Variants in TMEM184B observed in about 807,000 individuals in gnomAD.
The protein encoded by TMEM184B is transmembrane protein 184B, also known as putative MAPK-activating protein FM08.
A neutral mutation model predicts 41.8 loss-of-function variants in TMEM184B; 17 were observed. The observed-to-expected ratio is 0.41, with a 90% CI of 0.28 to 0.61. TMEM184B has a LOEUF of 0.61. TMEM184B is among the 20% of genes least tolerant of loss of function. The pLI is 0.34. For synonymous variants in TMEM184B, 240 were observed against 229.5 expected (o/e 1.05, Z -0.41); for missense variants, 393 against 557.8 (o/e 0.70, Z 2.98).
At position 38,225,512 on chromosome 22, in the gene TMEM184B, G is replaced by A. The variant is rs1602367638; in HGVS notation, c.699C>T (p.Tyr233=). The change falls in exon 7 of 9, where the codon TAC becomes TAT. Residue 233 remains tyrosine (Y), a synonymous_variant. Coordinates refer to ENST00000361906, the MANE Select transcript of TMEM184B (RefSeq NM_012264.5). This position sits in a 1 kb window ranked among gnomAD's most constrained non-coding sequence, Gnocchi z 4.4. The part of the protein sequence containing the change: ...SLALYALFLF[Y]FATRELLSPY... ...GGCTGAGCAGCTCCCGGGTGGCGAA[G>A]TAGAAGAGGAAGAGGGCGTAGAGGG... 9 of 1,602,082 alleles carry A rather than the reference G, an allele frequency of 5.6e-6. No individual in the cohort carries two copies. The East Asian group carries it at 2.1e-4, about 37-fold the overall frequency.
chr22:38,242,923 G>T (rs1033699156), intron 3 of TMEM184B, among the ~76,000 whole-genome samples: 3 of 151,950 alleles, frequency 2.0e-5, no homozygotes, highest in Non-Finnish European at 4.4e-5. Context: ...TTAGCTGGGC[G>T]TGGTAGCACA....
At chr22:38,254,204 C>CAAAAAAAA (rs61216492) in intron 1 of TMEM184B, among the ~76,000 whole-genome samples, 1 of 86,566 alleles carries the variant, frequency 1.2e-5, no homozygotes, top group Admixed American at 1.3e-4. Flanking sequence ...CTCTTGTCTC[C>CAAAAAAAA]AAAAAAAAAA....
chr22:38,250,023 G>C, intron 1 of TMEM184B, among the ~76,000 whole-genome samples: 1 of 152,222 alleles, frequency 6.6e-6, no homozygotes, highest in Non-Finnish European at 1.5e-5. Flanking sequence ...CTCCAAAAAT[G>C]AGCTCAGAGA....
At chr22:38,259,813 T>C (rs1047763010) in intron 1 of TMEM184B, among the ~76,000 whole-genome samples, 2 of 152,210 alleles carry the variant, frequency 1.3e-5, no homozygotes, top group African/African-American at 4.8e-5. Context: ...TCTCACTCTG[T>C]GGCCCAGGCT....
intron 3 of TMEM184B, among the ~76,000 whole-genome samples, chr22:38,241,027 A>G (rs1405732605): frequency 1.3e-5 from 2 of 152,234 alleles, no homozygotes; most frequent in Non-Finnish European, 2.9e-5. Flanking sequence ...AGAGCAAACC[A>G]TGAACAAGGA....
chr22:38,251,437 T>C (rs532369634), intron 1 of TMEM184B, among the ~76,000 whole-genome samples: 2 of 152,366 alleles, frequency 1.3e-5, no homozygotes, highest in East Asian at 3.9e-4. Context: ...AGCCGTATTC[T>C]GGCTCATAGA....
Position 38,219,645 on chromosome 22 carries a change from T to TC in TMEM184B, c.*1823dup, listed in dbSNP as rs1304422437. 3 of 984,626 alleles carry TC rather than the reference T, an allele frequency of 3.0e-6. No individual in the cohort carries two copies. Among genetic ancestry groups the TC allele is most frequent in the Admixed American group, 6.2e-5 (1 of 16,222 alleles). The allele number at this position is 984,626 out of a possible 1,614,324, so 61.0% of individuals were successfully genotyped here. On this transcript the variant is annotated 3_prime_UTR_variant, in exon 9 of 9. Coordinates refer to ENST00000361906, the MANE Select transcript of TMEM184B (RefSeq NM_012264.5). ...GACCGCTGATTCCCTGCCACTGAGC[T>TC]CCCCCCACCCTCCACGCAAACAGCA...
At position 38,272,903 on chromosome 22, in the gene TMEM184B, G is replaced by T; in HGVS notation, c.-78C>A. ...GGATACCTCAGGAGCCCATGGCGGT[G>T]GCGGCGTCTGCGGACGATGCGCGGC... On this transcript the variant is annotated 5_prime_UTR_variant, in exon 1 of 9. Transcript: ENST00000361906. The T allele has an allele frequency of 1.3e-6, 1 of 753,924 alleles. No homozygotes were observed. The highest frequency in any genetic ancestry group is 1.6e-6 in the Non-Finnish European group (1 of 618,608). 46.7% of individuals were successfully genotyped at this position (753,924 alleles called of 1,614,324 possible).
chr22:38,228,945 G>A (rs1177097749), intron 5 of TMEM184B, among the ~76,000 whole-genome samples: 2 of 152,332 alleles, frequency 1.3e-5, no homozygotes, highest in Non-Finnish European at 1.5e-5. Flanking sequence ...TGCACCAACT[G>A]GTAAACAATG....
intron 3 of TMEM184B, among the ~76,000 whole-genome samples, chr22:38,238,172 C>T (rs899460806): frequency 2.0e-5 from 3 of 151,808 alleles, no homozygotes; most frequent in African/African-American, 7.3e-5. Flanking sequence ...CTGTTTCTGA[C>T]CTCTCTTCTA....
At chr22:38,216,766 G>A (rs1482155568), downstream of TMEM184B, among the ~76,000 whole-genome samples, 1 of 152,006 alleles carries the variant, frequency 6.6e-6, no homozygotes, top group African/African-American at 2.4e-5. Context: ...GATTCTGGCG[G>A]AGCATGGTGG....
intron 1 of TMEM184B, among the ~76,000 whole-genome samples, chr22:38,267,455 G>C (rs919738114): frequency 6.9e-6 from 1 of 145,356 alleles, no homozygotes; most frequent in Non-Finnish European, 1.5e-5. Flanking sequence ...TTTTTTTTGA[G>C]ATGGAGTTTC....
chr22:38,247,439 G>C (rs2092059327), intron 2 of TMEM184B, among the ~76,000 whole-genome samples: 1 of 152,196 alleles, frequency 6.6e-6, no homozygotes, highest in Non-Finnish European at 1.5e-5. Flanking sequence ...ACTGGGCCCT[G>C]GGACGCAGGC....
chr22:38,270,924 A>G (rs2092512689), intron 1 of TMEM184B, among the ~76,000 whole-genome samples: 2 of 152,300 alleles, frequency 1.3e-5, no homozygotes, highest in South Asian at 4.1e-4. Context: ...CAGCCTCCGG[A>G]CAGAAGCCCC....
intron 1 of TMEM184B, chr22:38,272,487 TCC>T: frequency 2.0e-6 from 2 of 984,202 alleles, no homozygotes; most frequent in African/African-American, 1.8e-5. Flanking sequence ...CACGGACGCC[TCC>T]CCCACTCACT....
intron 3 of TMEM184B, among the ~76,000 whole-genome samples, chr22:38,238,751 C>T (rs1160374231): frequency 6.6e-6 from 1 of 152,218 alleles, no homozygotes; most frequent in African/African-American, 2.4e-5. Flanking sequence ...AGAAACTTGT[C>T]CTGTCCTCTC....
intron 5 of TMEM184B, among the ~76,000 whole-genome samples, chr22:38,227,742 T>C (rs1033256957): frequency 6.6e-6 from 1 of 152,068 alleles, no homozygotes; most frequent in Non-Finnish European, 1.5e-5. Flanking sequence ...GGGCCACTGC[T>C]GCGGGGATGG....
At chr22:38,249,971 T>C (rs976480260) in intron 1 of TMEM184B, among the ~76,000 whole-genome samples, 5 of 152,222 alleles carry the variant, frequency 3.3e-5, no homozygotes, top group Non-Finnish European at 1.5e-5. Flanking sequence ...GGCTGGAGCG[T>C]GAGCACCAGC....
intron 5 of TMEM184B, among the ~76,000 whole-genome samples, chr22:38,229,015 G>A (rs2091533039): frequency 6.6e-6 from 1 of 152,230 alleles, no homozygotes; most frequent in African/African-American, 2.4e-5. Context: ...CAGGTCCAGT[G>A]GTGAGATTCT....
Sources: gnomAD v4.1 joint callset for allele counts (sites outside exome capture counted in the v4.1 genomes callset) on GRCh38, gnomAD v4.1.1 for gene constraint, Gnocchi (gnomAD v3.1) non-coding constraint, MANE v1.5 for transcripts, NCBI Gene and HGNC (gene_info 2026-07-23, HGNC 2026-07-21) for gene names.